The following LRFN2 variants were observed in gnomAD, a reference collection of about 807,000 sequenced individuals.
LRFN2 encodes the protein leucine-rich repeat and fibronectin type-III domain-containing protein 2.
LRFN2 carries 18 observed loss-of-function variants against 37.3 expected under a neutral mutation model. The observed-to-expected ratio is 0.48, with a 90% CI of 0.33 to 0.72. The LOEUF (loss-of-function observed/expected upper bound fraction) is 0.72. Among genes scored for constraint, LRFN2 ranks in the 30% least tolerant of loss-of-function variants. The probability of loss-of-function intolerance (pLI) is 0.02; values close to 1 mark genes in which losing one functional copy is unlikely to be tolerated. For synonymous variants in LRFN2, 556 were observed against 466.6 expected (o/e 1.19, Z -2.47); for missense variants, 1,006 against 1,060.7 (o/e 0.95, Z 0.72).
chr6:40,423,337 T>C (rs1763273000), intron 2 of LRFN2, among the ~76,000 whole-genome samples: 2 of 152,166 alleles, frequency 1.3e-5, no homozygotes, highest in African/African-American at 2.4e-5. Context: ...GGCTGGGGAA[T>C]AGGGACTAGA....
At chr6:40,525,300 A>C (rs1281816073) in intron 1 of LRFN2, among the ~76,000 whole-genome samples, 7 of 152,204 alleles carry the variant, frequency 4.6e-5, no homozygotes, top group Non-Finnish European at 7.3e-5. Flanking sequence ...GGCTGGCTCT[A>C]CTAGGCAAAT....
At chr6:40,443,203 G>T (rs1763884595) in intron 1 of LRFN2, among the ~76,000 whole-genome samples, 1 of 152,150 alleles carries the variant, frequency 6.6e-6, no homozygotes, top group African/African-American at 2.4e-5. Context: ...ATCCTCACCT[G>T]TTGGCCAACC....
At chr6:40,477,530 G>A (rs1188743789) in intron 1 of LRFN2, among the ~76,000 whole-genome samples, 1 of 152,230 alleles carries the variant, frequency 6.6e-6, no homozygotes, top group East Asian at 1.9e-4. Context: ...ATAAAGATTT[G>A]TTGGTGGGCT....
At position 40,431,640 on chromosome 6, in the gene LRFN2, C is replaced by T. The variant is rs892463890; in HGVS notation, c.1400+74G>A. 17 of 1,357,780 alleles carry T rather than the reference C, an allele frequency of 1.3e-5. No homozygotes were observed. The Admixed American group carries it at 2.4e-4, about 19-fold the overall frequency. 84.1% of individuals were successfully genotyped at this position (1,357,780 alleles called of 1,614,324 possible). ...GAAGAGGGGTATAGGTGGGAGCAGC[C>T]CCAAGACCTCCCCATCCCCTCCTCC... On this transcript the variant is annotated intron_variant, in intron 2 of 2. Transcript: ENST00000338305.
At chr6:40,453,891 G>T (rs1196363729) in intron 1 of LRFN2, among the ~76,000 whole-genome samples, 1 of 152,100 alleles carries the variant, frequency 6.6e-6, no homozygotes, top group Non-Finnish European at 1.5e-5. Flanking sequence ...CCTGTCCATT[G>T]TCTCATCAGA....
chr6:40,537,642 T>G (rs1411548493), intron 1 of LRFN2, among the ~76,000 whole-genome samples: 1 of 152,096 alleles, frequency 6.6e-6, no homozygotes, highest in Admixed American at 6.5e-5. Context: ...CTAATGAGAC[T>G]TGTTCCTGTC....
intron 1 of LRFN2, among the ~76,000 whole-genome samples, chr6:40,551,993 A>T (rs1201647616): frequency 6.6e-6 from 1 of 152,150 alleles, no homozygotes; most frequent in African/African-American, 2.4e-5. Context: ...CAGATACAAA[A>T]ATCCATTTAT....
At chr6:40,474,909 T>A (rs550350146) in intron 1 of LRFN2, among the ~76,000 whole-genome samples, 1 of 152,246 alleles carries the variant, frequency 6.6e-6, no homozygotes, top group Non-Finnish European at 1.5e-5. Flanking sequence ...CCAGCTTCTG[T>A]TTCTTAAAAC....
rs1233519466 is a variant in LRFN2 at position 40,587,197 on chromosome 6, C to G, written c.-275G>C. On this transcript the variant is annotated 5_prime_UTR_variant, in exon 1 of 3. Coordinates refer to ENST00000338305, the MANE Select transcript of LRFN2 (RefSeq NM_020737.3). The surrounding 1 kb of genome is among the most constrained non-coding windows in gnomAD (Gnocchi z 4.2). ...AAAGCACAACTTGTTCTCTTCTCTT[C>G]CAGATTAAAGAAAAATAATAATAAT... 6.6e-6 allele frequency: 1 copy of G among 152,190 alleles called. No individual in the cohort carries two copies. Among genetic ancestry groups the G allele is most frequent in the Non-Finnish European group, 1.5e-5 (1 of 68,052 alleles). 9.4% of individuals were successfully genotyped at this position (152,190 alleles called of 1,614,324 possible). A position where few individuals can be genotyped will look rare whatever the true frequency, so the allele number is the denominator to read the frequency against.
intron 1 of LRFN2, among the ~76,000 whole-genome samples, chr6:40,571,515 G>T (rs749753257): frequency 6.6e-6 from 1 of 152,170 alleles, no homozygotes; most frequent in Non-Finnish European, 1.5e-5. Context: ...CCATAAGGCA[G>T]GGCAATGGGG....
intron 1 of LRFN2, among the ~76,000 whole-genome samples, chr6:40,561,171 G>A (rs981991828): frequency 2.0e-5 from 3 of 152,182 alleles, no homozygotes; most frequent in Non-Finnish European, 2.9e-5. Context: ...GCAACTGAGA[G>A]AGGAGCCCCA....
At chr6:40,558,268 C>T (rs1581794098) in intron 1 of LRFN2, among the ~76,000 whole-genome samples, 1 of 152,352 alleles carries the variant, frequency 6.6e-6, no homozygotes, top group African/African-American at 2.4e-5. Flanking sequence ...AGCCAGCAGC[C>T]TGTGTCCCCT....
chr6:40,571,977 A>G (rs846519), intron 1 of LRFN2, among the ~76,000 whole-genome samples: 102,240 of 151,918 alleles, frequency 0.67, 35,807 homozygotes, highest in African/African-American at 0.86. Context: ...CAGGGTCTCC[A>G]AAACAGGGGG....
chr6:40,412,748 C>T (rs548987860), intron 2 of LRFN2, among the ~76,000 whole-genome samples: 6 of 152,206 alleles, frequency 3.9e-5, no homozygotes, highest in Admixed American at 1.3e-4. Context: ...CCCACTGATA[C>T]AAGTCCCTGC....
chr6:40,585,118 C>T (rs1767478373), intron 1 of LRFN2, among the ~76,000 whole-genome samples: 1 of 152,180 alleles, frequency 6.6e-6, no homozygotes, highest in Non-Finnish European at 1.5e-5. Flanking sequence ...AGGCAGGCAC[C>T]CAGTTCTTCT....
intron 1 of LRFN2, among the ~76,000 whole-genome samples, chr6:40,550,052 A>T (rs1156435427): frequency 6.6e-6 from 1 of 152,092 alleles, no homozygotes; most frequent in Non-Finnish European, 1.5e-5. Flanking sequence ...AAATAAAAAT[A>T]AAAATAAATA....
intron 1 of LRFN2, among the ~76,000 whole-genome samples, chr6:40,471,057 G>A (rs74655671): frequency 1.3e-5 from 2 of 152,166 alleles, no homozygotes; most frequent in African/African-American, 4.8e-5. Flanking sequence ...GATAGGTGAG[G>A]GGCGTGGGGG....
chr6:40,492,798 G>C (rs1046993623), intron 1 of LRFN2, among the ~76,000 whole-genome samples: 1 of 152,126 alleles, frequency 6.6e-6, no homozygotes, highest in African/African-American at 2.4e-5. Flanking sequence ...CCGAAGCCCA[G>C]ACTCATTTAG....
intron 1 of LRFN2, among the ~76,000 whole-genome samples, chr6:40,435,070 G>GAGAGAC (rs1187657438): frequency 9.5e-5 from 13 of 136,904 alleles, no homozygotes; most frequent in Non-Finnish European, 1.9e-4. Flanking sequence ...GAGAGAGAGA[G>GAGAGAC]AGAGAGAGAG....
Sources: allele counts gnomAD v4.1 joint callset (sites outside exome capture counted in the v4.1 genomes callset), GRCh38; gene constraint gnomAD v4.1.1; non-coding constraint Gnocchi (gnomAD v3.1); transcripts MANE v1.5; gene names NCBI Gene and HGNC (gene_info 2026-07-23, HGNC 2026-07-21).